Variants in ASTN1 observed in about 807,000 individuals in gnomAD.
ASTN1 encodes astrotactin-1.
Under a neutral mutation model 140.7 loss-of-function variants are expected in ASTN1, and 41 were observed. That is an observed-to-expected ratio of 0.29 (90% CI 0.23 to 0.38). The LOEUF (loss-of-function observed/expected upper bound fraction) is 0.38, where lower values mean the gene tolerates loss of function less well. Among genes scored for constraint, ASTN1 ranks in the 10% least tolerant of loss-of-function variants. The pLI, the probability that ASTN1 is intolerant of heterozygous loss-of-function variation, is 1.00. For missense variants in ASTN1, 1,479 were observed against 1,678.8 expected, an observed-to-expected ratio of 0.88 and a Z score of 2.08; for synonymous variants, 640 against 652.2, an observed-to-expected ratio of 0.98 and a Z score of 0.29.
At chr1:176,976,902 C>T (rs1368698362) in intron 8 of ASTN1, 2 of 152,244 alleles carry the variant, frequency 1.3e-5, no homozygotes, top group Non-Finnish European at 2.9e-5. Flanking sequence ...GCAAATCCAT[C>T]CCTGTACAAG....
At chr1:177,122,273 G>C (rs1681431155) in intron 1 of ASTN1, among the ~76,000 whole-genome samples, 1 of 152,188 alleles carries the variant, frequency 6.6e-6, no homozygotes, top group South Asian at 2.1e-4. Flanking sequence ...TGGGTCAGAA[G>C]TGACAGGAGC....
intron 9 of ASTN1, among the ~76,000 whole-genome samples, chr1:176,962,521 C>T (rs1403908860): frequency 6.6e-6 from 1 of 152,110 alleles, no homozygotes; most frequent in Non-Finnish European, 1.5e-5. Context: ...TCAAGAAGAA[C>T]ATCATTTCAT....
In ASTN1 at chr1:176,958,398, T is replaced by C; in HGVS notation, c.1683A>G (p.Pro561=). 6.2e-7 allele frequency: 1 copy of C among 1,614,088 alleles called. No individual in the cohort carries two copies. The highest frequency in any genetic ancestry group is 8.5e-7 in the Non-Finnish European group (1 of 1,179,984). The change falls in exon 10 of 23, where the codon CCA becomes CCG. Residue 561 remains proline (P), a synonymous_variant. Transcript: ENST00000361833. Reference sequence around the variant, plus strand: ...TCATGTCCGTCTTGCACTTTGCTGATGGATTGATGGCCAGTTCGGCTGGTG... The same window carrying C: ...TCATGTCCGTCTTGCACTTTGCTGACGGATTGATGGCCAGTTCGGCTGGTG... ...VIPPAELAIN[P]SAKCKTDMTV... is the part of the protein sequence containing the mutation.
chr1:176,958,307 A>G (rs1672505827), intron 10 of ASTN1, 38 bp downstream of exon 10: 4 of 1,611,622 alleles, frequency 2.5e-6, no homozygotes, highest in Non-Finnish European at 3.4e-6. Context: ...TCTGCTTCCC[A>G]AGCCAATTGC....
chr1:176,930,794 A>G (rs1325136424), intron 16 of ASTN1, among the ~76,000 whole-genome samples: 1 of 152,206 alleles, frequency 6.6e-6, no homozygotes, highest in Non-Finnish European at 1.5e-5. Context: ...GAGGAAGTAG[A>G]GAAAAGAGGT....
intron 1 of ASTN1, among the ~76,000 whole-genome samples, chr1:177,071,275 C>A (rs1320765158): frequency 6.6e-6 from 1 of 152,166 alleles, no homozygotes; most frequent in Non-Finnish European, 1.5e-5. Flanking sequence ...CATGCAAGGC[C>A]AGCCCCAGGG....
At chr1:176,978,246 A>G (rs1673449937) in intron 8 of ASTN1, among the ~76,000 whole-genome samples, 1 of 152,202 alleles carries the variant, frequency 6.6e-6, no homozygotes, top group South Asian at 2.1e-4. Flanking sequence ...CCATAACATG[A>G]TGGTACCTGA....
chr1:176,963,181 T>C (rs570884779), intron 9 of ASTN1, among the ~76,000 whole-genome samples: 2 of 152,314 alleles, frequency 1.3e-5, no homozygotes, highest in East Asian at 3.9e-4. Context: ...TGGCATTCAA[T>C]AGTAAAAAGA....
intron 14 of ASTN1, among the ~76,000 whole-genome samples, chr1:176,940,392 A>G (rs1671665906): frequency 6.6e-6 from 1 of 152,218 alleles, no homozygotes; most frequent in Non-Finnish European, 1.5e-5. Flanking sequence ...GACTTGATTA[A>G]TAGCTGACAA....
chr1:176,884,604 T>G, intron 18 of ASTN1, 114 bp from the exon 19 acceptor site: 1 of 1,212,962 alleles, frequency 8.2e-7, no homozygotes, highest in South Asian at 1.6e-5. Context: ...ACTACAAAAA[T>G]GATCTCTTTG....
intron 1 of ASTN1, among the ~76,000 whole-genome samples, chr1:177,064,830 A>G (rs1440727723): frequency 1.3e-5 from 2 of 152,244 alleles, no homozygotes; most frequent in Non-Finnish European, 2.9e-5. Context: ...CTACAATGCT[A>G]AACCAGGAAT....
At chr1:177,035,769 C>T (rs536287071) in intron 2 of ASTN1, among the ~76,000 whole-genome samples, 3 of 152,328 alleles carry the variant, frequency 2.0e-5, no homozygotes, top group Admixed American at 6.5e-5. Context: ...CAGTGCAGAA[C>T]TGGCTCTAGT....
chr1:176,906,843 C>CA (rs35062067), intron 16 of ASTN1, among the ~76,000 whole-genome samples: 4,580 of 86,140 alleles, frequency 0.053, 135 homozygotes, highest in Middle Eastern at 0.12. Flanking sequence ...GACTCTCTCT[C>CA]AAAAAAAAAA....
chr1:176,922,658 TG>T (rs1670787003), intron 16 of ASTN1, among the ~76,000 whole-genome samples: 1 of 151,164 alleles, frequency 6.6e-6, no homozygotes, highest in Non-Finnish European at 1.5e-5. Context: ...GGTCTGAACA[TG>T]GTTGGCAAAG....
At chr1:176,929,737 G>A (rs1041535117) in intron 16 of ASTN1, among the ~76,000 whole-genome samples, 2 of 152,160 alleles carry the variant, frequency 1.3e-5, no homozygotes, top group African/African-American at 2.4e-5. Context: ...GACCGGGCAC[G>A]GTGGCTCACG....
chr1:177,146,420 T>C (rs1211002088), intron 1 of ASTN1, among the ~76,000 whole-genome samples: 1 of 152,186 alleles, frequency 6.6e-6, no homozygotes, highest in East Asian at 1.9e-4. Flanking sequence ...AGTCATACAC[T>C]GAATATTTTG....
Position 177,061,152 on chromosome 1 carries a change from C to T in ASTN1, c.397G>A (p.Gly133Arg). 5 of 1,611,724 alleles carry T rather than the reference C, an allele frequency of 3.1e-6. No individual in the cohort carries two copies. Among genetic ancestry groups the T allele is most frequent in the Non-Finnish European group, 4.2e-6 (5 of 1,179,018 alleles). Residue 133 changes from glycine to arginine, a missense_variant, in exon 2 of 23, where the codon GGA becomes AGA. Physicochemically the swap from Gly to Arg is moderately radical, Grantham distance 125. This residue lies in a region of ASTN1 where 729 missense variants were observed against 860.4 expected (regional missense o/e 0.85). Transcript: ENST00000361833. Reference protein sequence around the residue: ...HHQDGAPSLPGQDPTEEPQHE... With the variant: ...HHQDGAPSLPRQDPTEEPQHE... The stretch of plus-strand genomic sequence containing the variant: ...TGGGGTTCTTCAGTGGGGTCTTGTC[C>T]AGGAAGGCTTGGGGCACCATCTTGG...
Position 176,934,327 on chromosome 1 carries a change from A to T in ASTN1, c.2496T>A (p.Ala832=). The T allele has an allele frequency of 6.2e-7, 1 of 1,611,982 alleles. No individual in the cohort carries two copies. The highest frequency in any genetic ancestry group is 8.5e-7 in the Non-Finnish European group (1 of 1,178,364). ...QVAISQALSN[A]LHSLDGATSR... The stretch of plus-strand genomic sequence containing the variant: ...ATGTAGCCCCATCCAGCGAGTGGAG[A>T]GCATTGCTGAGGGCTATGGAGAGGC... The change falls in exon 16 of 23, where the codon GCT becomes GCA. Residue 832 remains alanine, a synonymous_variant. Transcript: ENST00000361833.
At position 176,862,545 on chromosome 1, in the gene ASTN1, AGAT is replaced by A. The variant is rs1254285831; in HGVS notation, c.*1736_*1738del. 28 of 985,456 alleles carry A rather than the reference AGAT, an allele frequency of 2.8e-5. No homozygotes were observed. Among genetic ancestry groups the A allele is most frequent in the Middle Eastern group, 5.2e-4 (1 of 1,914 alleles). The allele number at this position is 985,456 out of a possible 1,614,324, so 61.0% of individuals were successfully genotyped here. ...CTGAGAGCTTGGACAGTTGTGTGCC[AGAT>A]GATACTGAAAACAGAACTGGGTATC... On this transcript the variant is annotated 3_prime_UTR_variant, in exon 23 of 23. Transcript: ENST00000361833.
Sources: gnomAD v4.1 joint callset for allele counts (sites outside exome capture counted in the v4.1 genomes callset) on GRCh38, gnomAD v4.1.1 for gene constraint, gnomAD v4.1.1 regional missense constraint, MANE v1.5 for transcripts, NCBI Gene and HGNC (gene_info 2026-07-23, HGNC 2026-07-21) for gene names.